MTUS2: variants seen among roughly 807,000 people sequenced by gnomAD.
The protein encoded by MTUS2 is microtubule associated scaffold protein 2.
MTUS2 carries 40 observed loss-of-function variants against 114.1 expected under a neutral mutation model. The ratio of observed to expected loss-of-function variants is 0.35; its 90% confidence interval spans 0.27 to 0.46. The LOEUF (loss-of-function observed/expected upper bound fraction) is 0.46, where lower values mean the gene tolerates loss of function less well. Ranked by LOEUF, MTUS2 falls within the 20% of genes least tolerant of loss-of-function variation. The pLI is 1.00. For missense variants in MTUS2, 1,679 were observed against 1,705.4 expected (o/e 0.98, Z 0.27); for synonymous variants, 688 against 672.0 (o/e 1.02, Z -0.37).
chr13:28,930,519 T>G (rs1464311236), intron 2 of MTUS2, among the ~76,000 whole-genome samples: 1 of 152,210 alleles, frequency 6.6e-6, no homozygotes. Context: ...TGGGTCCCTC[T>G]CTTTTGGTGT....
chr13:29,370,676 T>C (rs146037028), intron 8 of MTUS2, among the ~76,000 whole-genome samples: 1 of 152,348 alleles, frequency 6.6e-6, no homozygotes, highest in Non-Finnish European at 1.5e-5. Context: ...GCCTCCAGAC[T>C]GTGAACAAAA....
At chr13:29,037,715 C>T (rs1452204977) in intron 4 of MTUS2, among the ~76,000 whole-genome samples, 2 of 152,146 alleles carry the variant, frequency 1.3e-5, no homozygotes, top group East Asian at 3.8e-4. Flanking sequence ...CATTCCTTTT[C>T]ATTCTTTTTT....
In MTUS2 at chr13:29,068,048, A is replaced by G. The variant is rs376609303; in HGVS notation, c.2447-32725A>G. Among the ~76,000 whole-genome samples the G allele has an allele frequency of 2.2e-4, 34 of 152,342 alleles. 1 individual carries two copies. The highest frequency in any genetic ancestry group is 7.9e-4 in the African/African-American group (33 of 41,584). On this transcript the variant is annotated intron_variant, in intron 4 of 15. Transcript: ENST00000612955. ...TTTCTACCAAGGAAGTTTAAATCAA[A>G]TGGGAAAATATCCCCATAAGACAAA...
At chr13:29,179,097 G>A (rs570370346) in intron 5 of MTUS2, among the ~76,000 whole-genome samples, 7 of 152,252 alleles carry the variant, frequency 4.6e-5, no homozygotes, top group South Asian at 2.1e-4. Context: ...CTTTATTTGT[G>A]TCCATTGTTT....
At chr13:28,897,818 C>T (rs374000664) in intron 2 of MTUS2, among the ~76,000 whole-genome samples, 18 of 149,066 alleles carry the variant, frequency 1.2e-4, no homozygotes, top group South Asian at 2.1e-4. Context: ...AACCAAACAC[C>T]GCATGTTCTC....
chr13:29,124,519 T>C (rs959410575), intron 5 of MTUS2, among the ~76,000 whole-genome samples: 2 of 152,154 alleles, frequency 1.3e-5, no homozygotes, highest in East Asian at 1.9e-4. Context: ...GAAAACAAGA[T>C]GACAATTCCT....
In MTUS2 at chr13:29,480,269, G is replaced by A; in HGVS notation, c.3304G>A (p.Glu1102Lys). 1.3e-6 allele frequency: 2 copies of A among 1,554,458 alleles called. No homozygotes were observed. Among genetic ancestry groups the A allele is most frequent in the Admixed American group, 1.9e-5 (1 of 51,442 alleles). The change falls in exon 10 of 16, where the codon GAG becomes AAG. Residue 1102 changes from glutamate (E) to lysine (K), a missense_variant. By Grantham distance (56) the Glu-to-Lys change is moderately conservative. Around this residue, in one of 3 missense-constraint regions of MTUS2, gnomAD observed 822 missense variants for 899.7 expected, o/e 0.91. Transcript: ENST00000612955. The surrounding 1 kb of genome is among the most constrained non-coding windows in gnomAD (Gnocchi z 4.4). ...QQQAELQELEERLQLQFEAEM... is the reference protein window; with the variant it reads ...QQQAELQELEKRLQLQFEAEM... The stretch of plus-strand genomic sequence containing the variant: ...GCAGGCCGAGCTCCAGGAGCTGGAG[G>A]AGCGGCTGCAGCTGCAATTCGAGGC...
intron 5 of MTUS2, among the ~76,000 whole-genome samples, chr13:29,253,029 T>C (rs1179078151): frequency 6.6e-6 from 1 of 152,048 alleles, no homozygotes; most frequent in African/African-American, 2.4e-5. Context: ...ATTGGATGTT[T>C]ATACTAAAGG....
At chr13:28,863,483 G>GT (rs1322480219) in intron 2 of MTUS2, among the ~76,000 whole-genome samples, 4 of 152,142 alleles carry the variant, frequency 2.6e-5, no homozygotes, top group East Asian at 1.9e-4. Flanking sequence ...GGCCTTAGAC[G>GT]TAAGAGGGTA....
chr13:29,131,356 A>G (rs192145460), intron 5 of MTUS2, among the ~76,000 whole-genome samples: 1 of 152,254 alleles, frequency 6.6e-6, no homozygotes, highest in African/African-American at 2.4e-5. Flanking sequence ...TGTCTTGACC[A>G]CTATGACATA....
intron 5 of MTUS2, among the ~76,000 whole-genome samples, chr13:29,266,179 T>G (rs1897661087): frequency 6.6e-6 from 1 of 152,174 alleles, no homozygotes; most frequent in Non-Finnish European, 1.5e-5. Flanking sequence ...TGCTGATATG[T>G]TCCAGGCAAT....
At chr13:29,329,245 T>A (rs1020152881) in intron 7 of MTUS2, among the ~76,000 whole-genome samples, 21 of 152,128 alleles carry the variant, frequency 1.4e-4, no homozygotes, top group Non-Finnish European at 3.1e-4. Context: ...ACCCATTACC[T>A]GCATTAGGTA....
chr13:29,351,337 C>T (rs549782779), intron 7 of MTUS2, among the ~76,000 whole-genome samples: 9 of 152,212 alleles, frequency 5.9e-5, no homozygotes, highest in Non-Finnish European at 1.0e-4. Flanking sequence ...TTTCTCTCCC[C>T]TCCTGGGCTG....
chr13:29,352,545 CT>C (rs754162895), intron 7 of MTUS2, among the ~76,000 whole-genome samples: 2 of 152,150 alleles, frequency 1.3e-5, no homozygotes, highest in Non-Finnish European at 2.9e-5. Flanking sequence ...CTGGCAACCA[CT>C]AGTCTACTTT....
intron 2 of MTUS2, among the ~76,000 whole-genome samples, chr13:29,002,663 T>C (rs975512327): frequency 6.6e-6 from 1 of 152,218 alleles, no homozygotes; most frequent in Non-Finnish European, 1.5e-5. Flanking sequence ...AATCTAGCAG[T>C]TAATCCCTCC....
intron 12 of MTUS2, among the ~76,000 whole-genome samples, chr13:29,495,191 A>AC (rs1754021328): frequency 6.8e-6 from 1 of 146,102 alleles, no homozygotes; most frequent in Non-Finnish European, 1.5e-5. Flanking sequence ...CAAAAAAAAA[A>AC]AAAAAAAAAA....
chr13:29,122,478 G>T (rs1290559289), intron 5 of MTUS2, among the ~76,000 whole-genome samples: 3 of 152,142 alleles, frequency 2.0e-5, no homozygotes, highest in African/African-American at 7.2e-5. Flanking sequence ...ATCAGATCTC[G>T]TGAGAACTCA....
chr13:29,108,683 A>G (rs900627280), intron 5 of MTUS2, among the ~76,000 whole-genome samples: 10 of 152,310 alleles, frequency 6.6e-5, no homozygotes, highest in Middle Eastern at 6.8e-3. Flanking sequence ...TAGCATGGCT[A>G]TGATTGAAGA....
At chr13:29,337,890 G>A (rs1485303323) in intron 7 of MTUS2, among the ~76,000 whole-genome samples, 16 of 150,948 alleles carry the variant, frequency 1.1e-4, no homozygotes, top group Admixed American at 1.1e-3. Context: ...CCAGGTTCAA[G>A]CAATTCTCCT....
Sources: gnomAD v4.1 joint callset for allele counts (sites outside exome capture counted in the v4.1 genomes callset) on GRCh38, gnomAD v4.1.1 for gene constraint, gnomAD v4.1.1 regional missense constraint, Gnocchi (gnomAD v3.1) non-coding constraint, MANE v1.5 for transcripts, NCBI Gene and HGNC (gene_info 2026-07-23, HGNC 2026-07-21) for gene names.